LCOR: variants seen among roughly 807,000 people sequenced by gnomAD.
LCOR encodes the protein ligand-dependent corepressor.
LCOR carries 14 observed loss-of-function variants against 64.4 expected under a neutral mutation model. The observed-to-expected ratio is 0.22, with a 90% CI of 0.14 to 0.34. LCOR has a LOEUF of 0.34. Among genes scored for constraint, LCOR ranks in the 10% least tolerant of loss-of-function variants. The pLI is 1.00. For synonymous variants in LCOR, 643 were observed against 642.5 expected, an observed-to-expected ratio of 1.00 and a Z score of -0.01; for missense variants, 1,686 against 1,765.3, an observed-to-expected ratio of 0.96 and a Z score of 0.80.
At chr10:96,957,780 A>G (rs1414426869) in intron 7 of LCOR, 2 of 985,402 alleles carry the variant, frequency 2.0e-6, no homozygotes, top group Non-Finnish European at 1.2e-6. Flanking sequence ...AAATACATGC[A>G]CTGCTCATTC....
intron 2 of LCOR, among the ~76,000 whole-genome samples, chr10:96,846,619 A>G (rs1168606966): frequency 2.0e-5 from 3 of 152,272 alleles, no homozygotes; most frequent in East Asian, 1.9e-4. Context: ...TGATAAAGCT[A>G]TTTCCTTTGT....
intron 2 of LCOR, among the ~76,000 whole-genome samples, chr10:96,854,397 C>T (rs529382243): frequency 4.6e-5 from 7 of 152,276 alleles, no homozygotes; most frequent in Non-Finnish European, 8.8e-5. Context: ...GTGATCTCGG[C>T]TCAACCACAG....
intron 7 of LCOR, among the ~76,000 whole-genome samples, chr10:96,967,655 T>C (rs1377842454): frequency 6.6e-6 from 1 of 152,182 alleles, no homozygotes; most frequent in Non-Finnish European, 1.5e-5. Context: ...AGAAACTCTT[T>C]ATTGAATAAG....
chr10:96,956,231 GT>G (rs200772895), intron 7 of LCOR: 56 of 1,030,470 alleles, frequency 5.4e-5, no homozygotes, highest in East Asian at 2.3e-4. Context: ...ATGCTTTTTT[GT>G]TTTTTTTTGT....
intron 4 of LCOR, among the ~76,000 whole-genome samples, chr10:96,920,220 C>G (rs1238792591): frequency 6.6e-6 from 1 of 151,228 alleles, no homozygotes; most frequent in African/African-American, 2.4e-5. Flanking sequence ...AGTAGTATCT[C>G]GTTGTGGTTT....
intron 4 of LCOR, among the ~76,000 whole-genome samples, chr10:96,921,456 T>C (rs2134474644): frequency 6.6e-6 from 1 of 152,242 alleles, no homozygotes; most frequent in East Asian, 1.9e-4. Context: ...TCATTCTTTA[T>C]TTAATTTTAA....
intron 2 of LCOR, among the ~76,000 whole-genome samples, chr10:96,880,881 A>T (rs555973518): frequency 1.3e-5 from 2 of 152,262 alleles, no homozygotes; most frequent in Non-Finnish European, 2.9e-5. Flanking sequence ...ACGTAGGTGA[A>T]CCACTGAACG....
At chr10:96,878,245 A>C (rs1404968581) in intron 2 of LCOR, among the ~76,000 whole-genome samples, 2 of 143,214 alleles carry the variant, frequency 1.4e-5, no homozygotes, top group Admixed American at 6.7e-5. Context: ...GCTTAGTTTT[A>C]GCAAACTAAC....
intron 4 of LCOR, among the ~76,000 whole-genome samples, chr10:96,935,274 G>A (rs1847330154): frequency 6.7e-6 from 1 of 148,274 alleles, no homozygotes; most frequent in African/African-American, 2.5e-5. Flanking sequence ...TCAGCCTCTT[G>A]AGTAGCTAGA....
chr10:96,915,139 C>T lies in LCOR; in HGVS notation c.-184+7392C>T, dbSNP rs552695200. On this transcript the variant is annotated intron_variant, in intron 4 of 7. Coordinates refer to ENST00000421806, the MANE Select transcript of LCOR (RefSeq NM_001346516.2). ...TGTTTTCCCCACAACAGTCTGGCTT[C>T]GGAGACATTCTATTAGTGACCTATG... Among the ~76,000 whole-genome samples the T allele has an allele frequency of 2.4e-4, 37 of 152,308 alleles. 1 individual carries two copies. Among genetic ancestry groups the T allele is most frequent in the South Asian group, 2.1e-3 (10 of 4,820 alleles).
chr10:96,939,617 A>G (rs1412982251), intron 4 of LCOR, among the ~76,000 whole-genome samples: 1 of 152,252 alleles, frequency 6.6e-6, no homozygotes, highest in Non-Finnish European at 1.5e-5. Context: ...TTCAGAATAT[A>G]TCAAGAATTC....
Position 96,981,079 on chromosome 10 carries a change from G to A in LCOR, c.619G>A (p.Val207Ile), listed in dbSNP as rs190604093. The change falls in exon 8 of 8, where the codon GTA becomes ATA. Residue 207 changes from valine to isoleucine, a missense_variant. By Grantham distance (29) the Val-to-Ile change is conservative. Around this residue, in one of 3 missense-constraint regions of LCOR, gnomAD observed 313 missense variants for 247.2 expected, o/e 1.27. Coordinates refer to ENST00000421806, the MANE Select transcript of LCOR (RefSeq NM_001346516.2). ...GTCTTCTGCTTCTGTAGATTTGTTC[G>A]TAGACTCGTCAGACTCTCACAGCCC... ...MKSSASVDLF[V>I]DSSDSHSPLH... 36 of 702,976 alleles carry A rather than the reference G, an allele frequency of 5.1e-5. No individual in the cohort carries two copies. The highest frequency in any genetic ancestry group is 1.9e-4 in the African/African-American group (11 of 57,336). The allele number at this position is 702,976 out of a possible 1,614,324, so 43.5% of individuals were successfully genotyped here. A position where few individuals can be genotyped will look rare whatever the true frequency, so the allele number is the denominator to read the frequency against.
At position 96,936,461 on chromosome 10, in the gene LCOR, T is replaced by A. The variant is rs190073130; in HGVS notation, c.-183-7652T>A. On this transcript the variant is annotated intron_variant, in intron 4 of 7. Transcript: ENST00000421806. ...CAACAAAACCAAAAACTGGTTTTTT[T>A]AAAATATCAAATTAGGTAAACTTTA... Among the ~76,000 whole-genome samples the A allele has an allele frequency of 3.3e-3, 506 of 152,304 alleles. 3 individuals carry two copies. The highest frequency in any genetic ancestry group is 0.012 in the African/African-American group (482 of 41,566).
chr10:96,837,764 A>T (rs538439074), intron 2 of LCOR, among the ~76,000 whole-genome samples: 1 of 152,212 alleles, frequency 6.6e-6, no homozygotes, highest in South Asian at 2.1e-4. Flanking sequence ...AAATGTGGCA[A>T]TTAAAGGTAT....
At chr10:96,904,714 C>T (rs777074860) in intron 2 of LCOR, among the ~76,000 whole-genome samples, 2 of 152,028 alleles carry the variant, frequency 1.3e-5, no homozygotes, top group South Asian at 4.1e-4. Context: ...TTTAGTTTTC[C>T]ATGGCATTTT....
chr10:96,892,723 A>G (rs1270780883), intron 2 of LCOR, among the ~76,000 whole-genome samples: 1 of 152,056 alleles, frequency 6.6e-6, no homozygotes, highest in Non-Finnish European at 1.5e-5. Context: ...CGCAGTGCCT[A>G]TTTTGTCTGA....
chr10:96,879,963 G>A (rs1344441621), intron 2 of LCOR, among the ~76,000 whole-genome samples: 12 of 152,110 alleles, frequency 7.9e-5, no homozygotes, highest in Non-Finnish European at 2.9e-5. Context: ...GTGCCCGGCC[G>A]ATACTGTATC....
intron 2 of LCOR, among the ~76,000 whole-genome samples, chr10:96,901,606 G>C (rs141055622): frequency 6.6e-6 from 1 of 152,166 alleles, no homozygotes; most frequent in East Asian, 1.9e-4. Flanking sequence ...TTTTTAAAAC[G>C]TTCATTCTTT....
intron 4 of LCOR, among the ~76,000 whole-genome samples, chr10:96,914,512 A>G (rs1490631159): frequency 6.6e-6 from 1 of 152,216 alleles, no homozygotes; most frequent in Non-Finnish European, 1.5e-5. Context: ...TGCTATTTTA[A>G]TACATTGAAA....
Sources: allele counts gnomAD v4.1 joint callset (sites outside exome capture counted in the v4.1 genomes callset), GRCh38; gene constraint gnomAD v4.1.1; regional missense constraint gnomAD v4.1.1; transcripts MANE v1.5; gene names NCBI Gene and HGNC (gene_info 2026-07-23, HGNC 2026-07-21).